The following CEP95 variants were observed in gnomAD, a reference collection of about 807,000 sequenced individuals.
The protein encoded by CEP95 is centrosomal protein of 95 kDa.
CEP95 carries 98 observed loss-of-function variants against 111.2 expected under a neutral mutation model. The ratio of observed to expected loss-of-function variants is 0.88; its 90% CI spans 0.75 to 1.04. CEP95 has a LOEUF of 1.04. Ranked by LOEUF, CEP95 falls within the 50% of genes least tolerant of loss-of-function variation. The pLI is 0.00. For synonymous variants in CEP95, 323 were observed against 327.1 expected, an observed-to-expected ratio of 0.99 and a Z score of 0.14; for missense variants, 1,027 against 977.2, an observed-to-expected ratio of 1.05 and a Z score of -0.68.
chr17:64,507,307 G>C, intron 1 of CEP95, 191 bp downstream of exon 1: 1 of 1,454,486 alleles, frequency 6.9e-7, no homozygotes, highest in East Asian at 2.5e-5. Context: ...CCGTGGAACA[G>C]CAGTATGCTG....
intron 8 of CEP95, among the ~76,000 whole-genome samples, chr17:64,525,178 A>G (rs781783224): frequency 2.0e-5 from 3 of 151,880 alleles, no homozygotes; most frequent in Non-Finnish European, 4.4e-5. Flanking sequence ...CGTCTTTACT[A>G]AAAATACACA....
chr17:64,522,744 T>C lies in CEP95; in HGVS notation c.758T>C (p.Leu253Pro). The change falls in exon 8 of 20, where the codon CTA becomes CCA. Residue 253 changes from leucine (L) to proline (P), a missense_variant. Coordinates refer to ENST00000556440, the MANE Select transcript of CEP95 (RefSeq NM_138363.3). Reference sequence around the variant, plus strand: ...AGTGGGATTCCAAATGCTAGGAAGCTAGGGGAGCCTATCCGAGCAGCTATT... The same window carrying C: ...AGTGGGATTCCAAATGCTAGGAAGCCAGGGGAGCCTATCCGAGCAGCTATT... ...SVSGIPNARKLGEPIRAAIPL... is the reference protein window; with the variant it reads ...SVSGIPNARKPGEPIRAAIPL... The C allele has an allele frequency of 6.2e-7, 1 of 1,613,778 alleles. No individual in the cohort carries two copies. Among genetic ancestry groups the C allele is most frequent in the Non-Finnish European group, 8.5e-7 (1 of 1,179,768 alleles).
intron 1 of CEP95, chr17:64,508,147 A>G (rs1054652041): frequency 8.1e-6 from 8 of 985,332 alleles, no homozygotes; most frequent in East Asian, 2.3e-4. Flanking sequence ...GCACAAGATA[A>G]TTGGGTAAAC....
intron 1 of CEP95, chr17:64,508,028 TAAAAA>T: frequency 1.0e-6 from 1 of 985,184 alleles, no homozygotes; most frequent in African/African-American, 1.7e-5. Context: ...ATCGATATAA[TAAAAA>T]AGAAAAACTA....
rs782579973 is a variant in CEP95, at chr17:64,533,002, A to G, written c.1836A>G (p.Gln612=). ...CRENRSKKKL[Q]DEIEEALRRH... ...AAAATCGATCAAAGAAGAAACTCCA[A>G]GATGAAGTAAGTTACTGTCAGTCTT... is the stretch of plus-strand genomic sequence containing the variant. Residue 612 remains glutamine (Q), a synonymous_variant, in exon 15 of 20, where the codon CAA becomes CAG. Transcript: ENST00000556440. The G allele has an allele frequency of 1.2e-6, 2 of 1,611,398 alleles. No individual in the cohort carries two copies. The highest frequency in any genetic ancestry group is 1.7e-6 in the Non-Finnish European group (2 of 1,179,266).
intron 12 of CEP95, among the ~76,000 whole-genome samples, chr17:64,530,102 A>T (rs1555679953): frequency 6.6e-6 from 1 of 152,206 alleles, no homozygotes; most frequent in Non-Finnish European, 1.5e-5. Context: ...ATGTTAAAGT[A>T]ATGTAGAGAT....
chr17:64,528,258 T>G (rs1346534561), intron 11 of CEP95, among the ~76,000 whole-genome samples: 2 of 152,198 alleles, frequency 1.3e-5, no homozygotes, highest in Non-Finnish European at 2.9e-5. Flanking sequence ...CCATTGTTTC[T>G]TCAGAAATAG....
chr17:64,517,767 C>T (rs1966988022), intron 5 of CEP95, among the ~76,000 whole-genome samples: 1 of 150,524 alleles, frequency 6.6e-6, no homozygotes, highest in Non-Finnish European at 1.5e-5. Context: ...TTCCTGGCCT[C>T]AAGCGATCCT....
chr17:64,529,167 G>C, intron 11 of CEP95, 121 bp from the exon 12 acceptor site: 1 of 791,984 alleles, frequency 1.3e-6, no homozygotes, highest in South Asian at 1.9e-5. Context: ...AGTTACAGGA[G>C]AGAGTCCCTT....
At position 64,533,124 on chromosome 17, in the gene CEP95, A is replaced by C. The variant is rs964924046; in HGVS notation, c.1850A>C (p.Glu617Ala). 1.2e-6 allele frequency: 2 copies of C among 1,604,314 alleles called. No individual in the cohort carries two copies. Among genetic ancestry groups the C allele is most frequent in the Non-Finnish European group, 8.5e-7 (1 of 1,177,344 alleles). The change falls in exon 16 of 20, where the codon GAA (glutamate) becomes GCA (alanine). Residue 617 changes from glutamate (E) to alanine (A), a missense_variant. Coordinates refer to ENST00000556440, the MANE Select transcript of CEP95 (RefSeq NM_138363.3). ...TTCATGTCCCCCTTCAAGATAGAAG[A>C]AGCCCTAAGAAGGCATGACCTCCTT... ...SKKKLQDEIE[E>A]ALRRHDLLTT...
At chr17:64,509,894 T>C (rs909536845) in intron 2 of CEP95, among the ~76,000 whole-genome samples, 1 of 151,432 alleles carries the variant, frequency 6.6e-6, no homozygotes, top group Non-Finnish European at 1.5e-5. Flanking sequence ...TATTCATGTA[T>C]ATCTATATAT....
intron 3 of CEP95, among the ~76,000 whole-genome samples, chr17:64,511,376 T>C (rs1385803186): frequency 2.0e-5 from 3 of 152,200 alleles, no homozygotes; most frequent in Non-Finnish European, 4.4e-5. Context: ...CGGGGGACCG[T>C]CTGTAGACCT....
intron 5 of CEP95, 84 bp from the exon 6 acceptor site, chr17:64,519,237 T>C (rs1197342475): frequency 3.7e-6 from 3 of 813,966 alleles, no homozygotes; most frequent in Admixed American, 2.2e-5. Flanking sequence ...TTTTCCTTTT[T>C]CTGCACCCAG....
intron 8 of CEP95, 129 bp from the exon 9 acceptor site, chr17:64,525,641 A>G: frequency 1.7e-6 from 1 of 589,360 alleles, no homozygotes; most frequent in Non-Finnish European, 2.9e-6. Flanking sequence ...CTTTTGACAA[A>G]TGCACTTCAA....
chr17:64,524,217 ATTTTC>A (rs1967611459), intron 8 of CEP95, among the ~76,000 whole-genome samples: 2 of 152,160 alleles, frequency 1.3e-5, no homozygotes, highest in Non-Finnish European at 2.9e-5. Flanking sequence ...GGGAGTGTTT[ATTTTC>A]AAATAATTCA....
chr17:64,536,740 A>G lies in CEP95; in HGVS notation c.2209A>G (p.Lys737Glu), dbSNP rs1555681631. Reference protein sequence around the residue: ...DELDSMENYYKDQFSLLAEAI... With the variant: ...DELDSMENYYEDQFSLLAEAI... Reference sequence around the variant, plus strand: ...ACTGGACTCCATGGAGAACTACTATAAGGACCAGGTGGGCTCCTGGCACTT... The same window carrying G: ...ACTGGACTCCATGGAGAACTACTATGAGGACCAGGTGGGCTCCTGGCACTT... Residue 737 changes from lysine to glutamate, a missense_variant, in exon 18 of 20, where the codon AAG becomes GAG. By Grantham distance (56) the Lys-to-Glu change is moderately conservative (BLOSUM62 1). Transcript: ENST00000556440. The G allele has an allele frequency of 6.2e-7, 1 of 1,603,016 alleles. No homozygotes were observed.
At position 64,525,895 on chromosome 17, in the gene CEP95, C is replaced by A. The variant is rs1555678988; in HGVS notation, c.1022+13C>A. The A allele has an allele frequency of 4.6e-6, 7 of 1,528,746 alleles. No homozygotes were observed. The highest frequency in any genetic ancestry group is 6.2e-6 in the Non-Finnish European group (7 of 1,134,574). 94.7% of individuals were successfully genotyped at this position (1,528,746 alleles called of 1,614,324 possible). A position where few individuals can be genotyped will look rare whatever the true frequency, so the allele number is the denominator to read the frequency against. ...CCAAAGGAAAAAGGTAACATTACTGCAGACTTCAGTGTTTACAGTCTGTTT... is the reference window on the plus strand; with the variant it reads ...CCAAAGGAAAAAGGTAACATTACTGAAGACTTCAGTGTTTACAGTCTGTTT... On this transcript the variant is annotated intron_variant, in intron 9 of 19. Transcript: ENST00000556440.
chr17:64,514,003 C>T (rs1193957625), intron 3 of CEP95, among the ~76,000 whole-genome samples: 1 of 152,118 alleles, frequency 6.6e-6, no homozygotes, highest in Non-Finnish European at 1.5e-5. Context: ...TATTAGACGC[C>T]ATATTTAAAG....
intron 18 of CEP95, 21 bp downstream of exon 18, chr17:64,536,769 T>C (rs1968685176): frequency 1.3e-6 from 2 of 1,588,492 alleles, no homozygotes; most frequent in Admixed American, 1.9e-5. Context: ...GGCACTTGCT[T>C]ACGCTGTTGT....
Sources: allele counts gnomAD v4.1 joint callset (sites outside exome capture counted in the v4.1 genomes callset), GRCh38; gene constraint gnomAD v4.1.1; transcripts MANE v1.5; gene names NCBI Gene and HGNC (gene_info 2026-07-23, HGNC 2026-07-21).